The following LHFPL3 variants were observed in gnomAD, a reference collection of about 807,000 sequenced individuals.
The protein encoded by LHFPL3 is LHFPL tetraspan subfamily member 3, also known as LHFPL tetraspan subfamily member 3 protein.
A neutral mutation model predicts 19.3 loss-of-function variants in LHFPL3; 5 were observed. The observed-to-expected ratio is 0.26, with a 90% confidence interval of 0.14 to 0.54. The LOEUF (loss-of-function observed/expected upper bound fraction) is 0.54, where lower values mean the gene tolerates loss of function less well. Among genes scored for constraint, LHFPL3 ranks in the 20% least tolerant of loss-of-function variants. The pLI, the probability that LHFPL3 is intolerant of heterozygous loss-of-function variation, is 0.94. For synonymous variants in LHFPL3, 133 were observed against 126.2 expected (o/e 1.05, Z -0.36); for missense variants, 249 against 307.4 (o/e 0.81, Z 1.42).
At chr7:104,503,997 T>C (rs893958046) in intron 1 of LHFPL3, among the ~76,000 whole-genome samples, 1 of 152,236 alleles carries the variant, frequency 6.6e-6, no homozygotes, top group Non-Finnish European at 1.5e-5. Flanking sequence ...TAACTGCTCA[T>C]CACACTTATG....
intron 2 of LHFPL3, chr7:104,785,149 G>C (rs1789887822): frequency 6.6e-6 from 1 of 151,792 alleles, no homozygotes; most frequent in African/African-American, 2.4e-5. Context: ...TCTTCTAATA[G>C]TGTGTGTTCC....
intron 2 of LHFPL3, among the ~76,000 whole-genome samples, chr7:104,811,461 A>G (rs942130220): frequency 7.2e-5 from 11 of 152,150 alleles, no homozygotes; most frequent in African/African-American, 2.7e-4. Context: ...TCTGCCTCCC[A>G]AAGTGTTGGG....
intron 1 of LHFPL3, among the ~76,000 whole-genome samples, chr7:104,496,954 C>T (rs549734964): frequency 1.3e-5 from 2 of 152,234 alleles, no homozygotes; most frequent in Non-Finnish European, 2.9e-5. Context: ...ATTTCTGCCT[C>T]TTTATGATAT....
intron 1 of LHFPL3, among the ~76,000 whole-genome samples, chr7:104,484,804 C>T (rs1407611560): frequency 1.3e-5 from 2 of 152,126 alleles, no homozygotes; most frequent in African/African-American, 4.8e-5. Flanking sequence ...AGGAAGGGGG[C>T]TGAACTCATC....
intron 1 of LHFPL3, among the ~76,000 whole-genome samples, chr7:104,612,090 T>C (rs565838526): frequency 6.6e-6 from 1 of 152,366 alleles, no homozygotes; most frequent in Non-Finnish European, 1.5e-5. Flanking sequence ...TTTTCTTCTT[T>C]CAGAGTTATC....
chr7:104,549,756 T>C (rs896317602), intron 1 of LHFPL3, among the ~76,000 whole-genome samples: 1 of 152,148 alleles, frequency 6.6e-6, no homozygotes, highest in Admixed American at 6.6e-5. Flanking sequence ...ATAATTCAAC[T>C]TATTATGTTG....
chr7:104,641,885 T>A (rs1241034919), intron 1 of LHFPL3, among the ~76,000 whole-genome samples: 1 of 152,168 alleles, frequency 6.6e-6, no homozygotes, highest in South Asian at 2.1e-4. Flanking sequence ...GAAAATGACT[T>A]TTCATGGATG....
At chr7:104,639,501 T>C (rs1791790138) in intron 1 of LHFPL3, among the ~76,000 whole-genome samples, 1 of 152,224 alleles carries the variant, frequency 6.6e-6, no homozygotes, top group African/African-American at 2.4e-5. Context: ...TAGTGGTGTA[T>C]ACATCTTTAA....
intron 2 of LHFPL3, among the ~76,000 whole-genome samples, chr7:104,863,298 T>C (rs189651119): frequency 2.0e-5 from 3 of 152,348 alleles, no homozygotes; most frequent in East Asian, 3.9e-4. Flanking sequence ...TATGAGTGTG[T>C]TGAATTTCAT....
intron 1 of LHFPL3, among the ~76,000 whole-genome samples, chr7:104,720,241 T>A (rs1793462040): frequency 6.6e-6 from 1 of 152,058 alleles, no homozygotes; most frequent in Non-Finnish European, 1.5e-5. Context: ...ACACCACACA[T>A]CTACAACCAT....
Position 104,464,185 on chromosome 7 carries a change from T to C in LHFPL3, c.445+134961T>C, listed in dbSNP as rs1212441476. On this transcript the variant is annotated intron_variant, in intron 1 of 2. Transcript: ENST00000424859. ...AAACCTTAAAGTTCTAAAATAATCTTTTTGACTCCTTGTCTCACGCCCGGG... is the reference window on the plus strand; with the variant it reads ...AAACCTTAAAGTTCTAAAATAATCTCTTTGACTCCTTGTCTCACGCCCGGG... Among the ~76,000 whole-genome samples the C allele has an allele frequency of 2.0e-5, 3 of 152,366 alleles. No individual in the cohort carries two copies. The East Asian group carries it at 5.8e-4, about 29-fold the overall frequency.
chr7:104,580,636 A>T (rs1296419877), intron 1 of LHFPL3, among the ~76,000 whole-genome samples: 1 of 152,068 alleles, frequency 6.6e-6, no homozygotes, highest in African/African-American at 2.4e-5. Flanking sequence ...CTCCCCTGTA[A>T]CTCAAACATC....
At chr7:104,454,137 A>C (rs1206860853) in intron 1 of LHFPL3, among the ~76,000 whole-genome samples, 1 of 152,192 alleles carries the variant, frequency 6.6e-6, no homozygotes, top group Non-Finnish European at 1.5e-5. Context: ...GAAGCTAACC[A>C]AAGAGGGAGA....
intron 2 of LHFPL3, among the ~76,000 whole-genome samples, chr7:104,817,016 C>T (rs2116514065): frequency 6.6e-6 from 1 of 152,298 alleles, no homozygotes; most frequent in South Asian, 2.1e-4. Flanking sequence ...ACCTTCTTTG[C>T]TTCTCCCCCT....
intron 1 of LHFPL3, among the ~76,000 whole-genome samples, chr7:104,583,153 G>C (rs1178631474): frequency 6.6e-5 from 10 of 151,952 alleles, no homozygotes; most frequent in African/African-American, 2.4e-4. Flanking sequence ...CAGAAATGAT[G>C]TCACATATCT....
intron 1 of LHFPL3, among the ~76,000 whole-genome samples, chr7:104,605,911 T>C (rs1379151913): frequency 6.6e-6 from 1 of 151,852 alleles, no homozygotes; most frequent in Admixed American, 6.6e-5. Context: ...AGCTACCCCG[T>C]CTTTTAACAG....
At chr7:104,789,251 C>T (rs551918252) in intron 2 of LHFPL3, among the ~76,000 whole-genome samples, 3 of 152,202 alleles carry the variant, frequency 2.0e-5, no homozygotes, top group East Asian at 1.9e-4. Flanking sequence ...CTCCCTCTTT[C>T]GCACACAGAC....
At chr7:104,765,915 T>C (rs1267511546) in intron 2 of LHFPL3, among the ~76,000 whole-genome samples, 2 of 152,210 alleles carry the variant, frequency 1.3e-5, no homozygotes, top group Non-Finnish European at 2.9e-5. Flanking sequence ...CAATCCTTCA[T>C]GGTCAACATC....
intron 2 of LHFPL3, among the ~76,000 whole-genome samples, chr7:104,835,793 A>G (rs1248522735): frequency 6.6e-6 from 1 of 151,700 alleles, no homozygotes; most frequent in Non-Finnish European, 1.5e-5. Flanking sequence ...TCTGTGATAC[A>G]TGTGCAGAAC....
Sources: allele counts gnomAD v4.1 joint callset (sites outside exome capture counted in the v4.1 genomes callset), GRCh38; gene constraint gnomAD v4.1.1; transcripts MANE v1.5; gene names NCBI Gene and HGNC (gene_info 2026-07-23, HGNC 2026-07-21).